Variants in TMEM117 observed in about 807,000 individuals in gnomAD.
TMEM117 encodes transmembrane protein 117.
TMEM117 carries 27 observed loss-of-function variants against 52.4 expected under a neutral mutation model. That is an observed-to-expected ratio of 0.51 (90% CI 0.38 to 0.71). The LOEUF is 0.71. Ranked by LOEUF, TMEM117 falls within the 30% of genes least tolerant of loss-of-function variation. The pLI, the probability that TMEM117 is intolerant of heterozygous loss-of-function variation, is 0.00. For missense variants in TMEM117, 556 were observed against 630.5 expected, an observed-to-expected ratio of 0.88 and a Z score of 1.26; for synonymous variants, 215 against 206.3, an observed-to-expected ratio of 1.04 and a Z score of -0.36.
intron 7 of TMEM117, among the ~76,000 whole-genome samples, chr12:44,385,128 T>C (rs1319247858): frequency 6.6e-6 from 1 of 152,188 alleles, no homozygotes; most frequent in Non-Finnish European, 1.5e-5. Context: ...AAGTTCAGTG[T>C]TGGGATGAGA....
At chr12:44,064,358 G>A (rs1947188585) in intron 3 of TMEM117, among the ~76,000 whole-genome samples, 1 of 152,090 alleles carries the variant, frequency 6.6e-6, no homozygotes, top group African/African-American at 2.4e-5. Context: ...GTTTTTAATT[G>A]GAAAAGGGTT....
Position 44,008,111 on chromosome 12 carries a change from T to C in TMEM117, c.410+63769T>C, listed in dbSNP as rs188354938. On this transcript the variant is annotated intron_variant, in intron 3 of 7. Coordinates refer to ENST00000266534, the MANE Select transcript of TMEM117 (RefSeq NM_032256.3). The stretch of plus-strand genomic sequence containing the variant: ...TCAGAAAAAGACCATTCACCACTTA[T>C]CTGTGCTTCCTACAAAGAAACAGAT... Among the ~76,000 whole-genome samples the C allele has an allele frequency of 2.8e-3, 422 of 152,298 alleles. 4 individuals carry two copies. The highest frequency in any genetic ancestry group is 9.5e-3 in the African/African-American group (397 of 41,574).
intron 6 of TMEM117, among the ~76,000 whole-genome samples, chr12:44,344,358 A>G (rs747862864): frequency 2.6e-5 from 4 of 152,134 alleles, no homozygotes; most frequent in African/African-American, 4.8e-5. Flanking sequence ...ACTGCTTCCC[A>G]TGCTCTGAAG....
chr12:44,398,090 T>TG, the TMEM117 span, among the ~76,000 whole-genome samples: 1,605 of 151,184 alleles, frequency 0.011, 32 homozygotes, highest in African/African-American at 0.035. Context: ...TGTTTTTTTT[T>TG]TTTGTTTGTT....
intron 3 of TMEM117, among the ~76,000 whole-genome samples, chr12:44,114,632 A>G (rs1225410505): frequency 6.6e-6 from 1 of 152,150 alleles, no homozygotes; most frequent in Non-Finnish European, 1.5e-5. Flanking sequence ...TGTTTTCTCC[A>G]TCTAGTCAGT....
At chr12:44,042,761 TACACAC>T (rs61350418) in intron 3 of TMEM117, among the ~76,000 whole-genome samples, 6,218 of 132,030 alleles carry the variant, frequency 0.047, 177 homozygotes, top group African/African-American at 0.081. Flanking sequence ...CTTAATAAAC[TACACAC>T]ACACACACAC....
At chr12:43,962,359 C>T (rs1945417736) in intron 3 of TMEM117, among the ~76,000 whole-genome samples, 1 of 151,996 alleles carries the variant, frequency 6.6e-6, no homozygotes, top group Non-Finnish European at 1.5e-5. Flanking sequence ...AAGTTAGTGT[C>T]AGAAGATGTG....
At chr12:44,181,693 G>T (rs999603913) in intron 4 of TMEM117, among the ~76,000 whole-genome samples, 5 of 151,828 alleles carry the variant, frequency 3.3e-5, no homozygotes, top group African/African-American at 1.2e-4. Flanking sequence ...TGAGGGCTCT[G>T]TTCTGTTCCA....
intron 4 of TMEM117, among the ~76,000 whole-genome samples, chr12:44,190,275 A>G (rs1949333759): frequency 6.6e-6 from 1 of 152,220 alleles, no homozygotes; most frequent in African/African-American, 2.4e-5. Flanking sequence ...TGAATTTCTT[A>G]TGCTATTAAG....
intron 2 of TMEM117, among the ~76,000 whole-genome samples, chr12:43,888,982 G>A (rs2447113): frequency 0.69 from 105,689 of 152,086 alleles, 40,997 homozygotes; most frequent in East Asian, 0.87. Flanking sequence ...TTTTGGCACC[G>A]GGGTGGGTTT....
At chr12:43,865,369 C>G (rs1455083396) in intron 2 of TMEM117, among the ~76,000 whole-genome samples, 1 of 152,122 alleles carries the variant, frequency 6.6e-6, no homozygotes, top group East Asian at 1.9e-4. Flanking sequence ...CATCCTTGGG[C>G]TATAGGAGTT....
intron 3 of TMEM117, among the ~76,000 whole-genome samples, chr12:43,974,571 C>A (rs1945642394): frequency 6.6e-6 from 1 of 152,062 alleles, no homozygotes; most frequent in African/African-American, 2.4e-5. Flanking sequence ...AGTGAGAAGA[C>A]TGCTCCTTGG....
chr12:44,215,872 C>G (rs1348354716), intron 5 of TMEM117, among the ~76,000 whole-genome samples: 1 of 152,028 alleles, frequency 6.6e-6, no homozygotes, highest in African/African-American at 2.4e-5. Flanking sequence ...TCACCTTTCT[C>G]CCCCCTCTGA....
intron 5 of TMEM117, among the ~76,000 whole-genome samples, chr12:44,213,331 T>C (rs960404273): frequency 1.3e-5 from 2 of 152,174 alleles, no homozygotes; most frequent in Admixed American, 6.5e-5. Flanking sequence ...AATTTCCAAA[T>C]GATTAATGTT....
chr12:44,115,892 A>G (rs1177491983), intron 3 of TMEM117, among the ~76,000 whole-genome samples: 2 of 152,190 alleles, frequency 1.3e-5, no homozygotes. Flanking sequence ...TTCATCTACT[A>G]GAAACACGAT....
intron 3 of TMEM117, among the ~76,000 whole-genome samples, chr12:44,047,458 C>T (rs1946897650): frequency 6.6e-6 from 1 of 152,062 alleles, no homozygotes; most frequent in African/African-American, 2.4e-5. Flanking sequence ...TTTTTTTGAC[C>T]ACACAGATCC....
intron 3 of TMEM117, among the ~76,000 whole-genome samples, chr12:44,088,460 T>C (rs968240643): frequency 6.6e-6 from 1 of 152,234 alleles, no homozygotes; most frequent in African/African-American, 2.4e-5. Flanking sequence ...GCTTGTGATT[T>C]TTCCATTATA....
chr12:43,882,231 G>A (rs923031429), intron 2 of TMEM117, among the ~76,000 whole-genome samples: 1 of 151,912 alleles, frequency 6.6e-6, no homozygotes, highest in Non-Finnish European at 1.5e-5. Flanking sequence ...AGGCCAAGGC[G>A]GGCGGATCAC....
intron 2 of TMEM117, among the ~76,000 whole-genome samples, chr12:43,852,300 G>C (rs1294883645): frequency 6.6e-6 from 1 of 152,192 alleles, no homozygotes; most frequent in Non-Finnish European, 1.5e-5. Context: ...GCGTGTTGGT[G>C]GGCGCCTGTA....
Sources: allele counts gnomAD v4.1 joint callset (sites outside exome capture counted in the v4.1 genomes callset), GRCh38; gene constraint gnomAD v4.1.1; transcripts MANE v1.5; gene names NCBI Gene and HGNC (gene_info 2026-07-23, HGNC 2026-07-21).